The following GALNT17 variants were observed in gnomAD, a reference collection of about 807,000 sequenced individuals.
The protein encoded by GALNT17 is polypeptide N-acetylgalactosaminyltransferase 17.
In GALNT17, 29 loss-of-function variants were observed where a neutral mutation model predicts 63.7. The ratio of observed to expected loss-of-function variants is 0.46; its 90% CI spans 0.34 to 0.62. The LOEUF is 0.62. Ranked by LOEUF, GALNT17 falls within the 20% of genes least tolerant of loss-of-function variation. GALNT17 has a pLI of 0.01. For missense variants in GALNT17, 603 were observed against 799.6 expected (o/e 0.75, Z 2.97); for synonymous variants, 305 against 318.3 (o/e 0.96, Z 0.45).
intron 1 of GALNT17, among the ~76,000 whole-genome samples, chr7:71,307,257 C>G (rs1427135075): frequency 6.6e-6 from 1 of 152,242 alleles, no homozygotes; most frequent in Admixed American, 6.5e-5. Context: ...TCCCATCAGC[C>G]GTGCACAAGG....
At chr7:71,517,667 A>G (rs57801217) in intron 5 of GALNT17, among the ~76,000 whole-genome samples, 1,686 of 152,338 alleles carry the variant, frequency 0.011, 25 homozygotes, top group African/African-American at 0.037. Context: ...ATGGAGTTCA[A>G]GCATTTAATA....
intron 5 of GALNT17, among the ~76,000 whole-genome samples, chr7:71,440,116 G>A (rs1388021514): frequency 6.6e-6 from 1 of 151,468 alleles, no homozygotes; most frequent in African/African-American, 2.4e-5. Flanking sequence ...TTTTAGTAGG[G>A]GCAGGATTTC....
At position 71,670,173 on chromosome 7, in the gene GALNT17, T is replaced by C. The variant is rs1791047695; in HGVS notation, c.1404+64T>C. 5.6e-6 allele frequency: 9 copies of C among 1,604,256 alleles called. No homozygotes were observed. In the South Asian group the frequency reaches 1.0e-4, roughly 18 times the overall value. The stretch of plus-strand genomic sequence containing the variant: ...TTCAATATGCTGTGGGTTGCTTCGC[T>C]GGGGAGAAATAGAGTTGCTCATTCA... On this transcript the variant is annotated intron_variant, in intron 8 of 10. Transcript: ENST00000333538.
chr7:71,671,827 C>G (rs972211651), intron 8 of GALNT17, among the ~76,000 whole-genome samples: 2 of 152,090 alleles, frequency 1.3e-5, no homozygotes, highest in Non-Finnish European at 2.9e-5. Flanking sequence ...GAGTTCAAGA[C>G]CAGCCTGGCC....
intron 1 of GALNT17, among the ~76,000 whole-genome samples, chr7:71,273,088 A>G: frequency 8.2e-6 from 1 of 121,416 alleles, no homozygotes; most frequent in South Asian, 2.8e-4. Flanking sequence ...CATCCATCTT[A>G]TTGTTTTTTT....
chr7:71,180,471 G>A (rs1486040555), intron 1 of GALNT17, among the ~76,000 whole-genome samples: 2 of 152,128 alleles, frequency 1.3e-5, no homozygotes, highest in Non-Finnish European at 2.9e-5. Flanking sequence ...CAGATGAATG[G>A]TGGGAAAGAA....
intron 9 of GALNT17, among the ~76,000 whole-genome samples, chr7:71,693,304 ACACAC>A (rs1791488344): frequency 9.5e-6 from 1 of 104,816 alleles, no homozygotes; most frequent in African/African-American, 3.8e-5. Context: ...ACACACACAC[ACACAC>A]ATATATATAT....
chr7:71,509,155 G>T (rs6961338), intron 5 of GALNT17, among the ~76,000 whole-genome samples: 109 of 152,262 alleles, frequency 7.2e-4, no homozygotes, highest in African/African-American at 2.5e-3. Flanking sequence ...TCTGTTTTTC[G>T]CTTTCAATAC....
chr7:71,209,376 A>G (rs1326262372), intron 1 of GALNT17, among the ~76,000 whole-genome samples: 2 of 152,178 alleles, frequency 1.3e-5, no homozygotes, highest in African/African-American at 4.8e-5. Flanking sequence ...CATAATCTTC[A>G]CAAAAACTCT....
intron 6 of GALNT17, among the ~76,000 whole-genome samples, chr7:71,625,270 G>A (rs539691970): frequency 6.1e-4 from 93 of 152,086 alleles, no homozygotes; most frequent in African/African-American, 2.1e-3. Flanking sequence ...TCAGCCTCCC[G>A]AGTAGCTGGA....
At chr7:71,264,518 T>C (rs1318080872) in intron 1 of GALNT17, among the ~76,000 whole-genome samples, 3 of 152,314 alleles carry the variant, frequency 2.0e-5, no homozygotes, top group African/African-American at 4.8e-5. Flanking sequence ...GTCAGAGGGA[T>C]ACCTGCACCC....
intron 2 of GALNT17, among the ~76,000 whole-genome samples, chr7:71,383,611 A>G (rs1792884482): frequency 6.6e-6 from 1 of 151,922 alleles, no homozygotes; most frequent in South Asian, 2.1e-4. Flanking sequence ...GCTAATTTTT[A>G]CTTTCAGAGA....
intron 1 of GALNT17, among the ~76,000 whole-genome samples, chr7:71,306,434 G>A (rs1195315000): frequency 6.6e-6 from 1 of 151,246 alleles, no homozygotes; most frequent in African/African-American, 2.4e-5. Context: ...TTCTTTCTCT[G>A]TCTCTAGAAT....
chr7:71,198,825 T>C (rs577694361), intron 1 of GALNT17, among the ~76,000 whole-genome samples: 1 of 152,342 alleles, frequency 6.6e-6, no homozygotes, highest in South Asian at 2.1e-4. Context: ...AAAAGAAATC[T>C]GGTCAAAACT....
At chr7:71,205,729 A>G (rs892675663) in intron 1 of GALNT17, among the ~76,000 whole-genome samples, 7 of 152,172 alleles carry the variant, frequency 4.6e-5, no homozygotes, top group Admixed American at 6.5e-5. Flanking sequence ...GAAATGCTGA[A>G]TTCAGTAGAG....
At position 71,662,332 on chromosome 7, in the gene GALNT17, A is replaced by ATCTATCTGTCTG. The variant is rs147810329; in HGVS notation, c.1081-3076_1081-3075insATCTGTCTGTCT. 5.6e-3 allele frequency among the ~76,000 whole-genome samples: 853 copies of ATCTATCTGTCTG among 151,216 alleles called. 5 individuals carry two copies. The highest frequency in any genetic ancestry group is 0.019 in the African/African-American group (775 of 41,244). On this transcript the variant is annotated intron_variant, in intron 6 of 10. Transcript: ENST00000333538. Reference sequence around the variant, plus strand: ...CATCTCTCTGTTTATCTATCTATCTATCTGTCTGTCTGTCTGTCTGTCTAT... The same window carrying ATCTATCTGTCTG: ...CATCTCTCTGTTTATCTATCTATCTATCTATCTGTCTGTCTGTCTGTCTGTCTGTCTGTCTAT...
chr7:71,492,946 A>C (rs1788034923), intron 5 of GALNT17, among the ~76,000 whole-genome samples: 1 of 152,218 alleles, frequency 6.6e-6, no homozygotes, highest in Non-Finnish European at 1.5e-5. Flanking sequence ...TTCACATGCT[A>C]TGAATGGTCC....
chr7:71,699,550 G>C (rs1257469386), intron 9 of GALNT17, among the ~76,000 whole-genome samples: 1 of 151,834 alleles, frequency 6.6e-6, no homozygotes, highest in African/African-American at 2.4e-5. Context: ...AGATGGAAAG[G>C]GTTATGTCAG....
intron 9 of GALNT17, among the ~76,000 whole-genome samples, chr7:71,709,333 ATGTT>A (rs1336088426): frequency 6.6e-6 from 1 of 150,584 alleles, no homozygotes; most frequent in Non-Finnish European, 1.5e-5. Flanking sequence ...ATTTTTTCAC[ATGTT>A]TGTTGGCCAC....
Sources: allele counts gnomAD v4.1 joint callset (sites outside exome capture counted in the v4.1 genomes callset), GRCh38; gene constraint gnomAD v4.1.1; transcripts MANE v1.5; gene names NCBI Gene and HGNC (gene_info 2026-07-23, HGNC 2026-07-21).